The following SPMIP7 variants were observed in gnomAD, a reference collection of about 807,000 sequenced individuals.
SPMIP7 encodes the protein protein SPMIP7.
chr7:50,151,488 T>C, the SPMIP7 span: 1 of 1,551,704 alleles, frequency 6.4e-7, no homozygotes, highest in Non-Finnish European at 8.7e-7. Flanking sequence ...AAGGTTCATT[T>C]CACAGCCACC....
At chr7:50,144,176 A>C in the SPMIP7 span, among the ~76,000 whole-genome samples, 1 of 152,240 alleles carries the variant, frequency 6.6e-6, no homozygotes, top group Non-Finnish European at 1.5e-5. Context: ...ATTTATGCTC[A>C]CCTTTAATAG....
chr7:50,157,313 G>A, the SPMIP7 span, among the ~76,000 whole-genome samples: 1 of 152,186 alleles, frequency 6.6e-6, no homozygotes, highest in African/African-American at 2.4e-5. Context: ...GATTTGAAGT[G>A]AGTAGATGGG....
At chr7:50,141,491 A>G in the SPMIP7 span, 1 of 742,824 alleles carries the variant, frequency 1.3e-6, no homozygotes. Context: ...CTTTTATTGA[A>G]CATTGCTGAA....
At chr7:50,120,979 C>G in the SPMIP7 span, among the ~76,000 whole-genome samples, 1 of 152,146 alleles carries the variant, frequency 6.6e-6, no homozygotes, top group East Asian at 1.9e-4. Flanking sequence ...GTGTACTTCA[C>G]TTTCTTTATA....
chr7:50,132,451 T>G, the SPMIP7 span, among the ~76,000 whole-genome samples: 3 of 152,202 alleles, frequency 2.0e-5, no homozygotes, highest in East Asian at 5.8e-4. Context: ...TGGAAAAGTT[T>G]TATTATATGA....
the SPMIP7 span, among the ~76,000 whole-genome samples, chr7:50,103,038 T>C: frequency 1.0e-5 from 1 of 100,492 alleles, no homozygotes; most frequent in East Asian, 3.0e-4. Flanking sequence ...TGTAAGTATA[T>C]AAGATCATAT....
At chr7:50,156,707 T>C in the SPMIP7 span, among the ~76,000 whole-genome samples, 1 of 151,938 alleles carries the variant, frequency 6.6e-6, no homozygotes, top group Non-Finnish European at 1.5e-5. Context: ...CTTACTTTTC[T>C]AAAATATTGA....
At chr7:50,140,662 A>T in the SPMIP7 span, among the ~76,000 whole-genome samples, 14 of 152,218 alleles carry the variant, frequency 9.2e-5, no homozygotes, top group Admixed American at 9.2e-4. Flanking sequence ...TTTAGATGGA[A>T]GAAGAACCTT....
chr7:50,112,348 C>A, the SPMIP7 span, among the ~76,000 whole-genome samples: 3 of 152,006 alleles, frequency 2.0e-5, no homozygotes, highest in Non-Finnish European at 4.4e-5. Context: ...TGGACCTTGG[C>A]ATGGTCAGAA....
the SPMIP7 span, among the ~76,000 whole-genome samples, chr7:50,115,556 A>G: frequency 1.3e-5 from 2 of 152,232 alleles, no homozygotes; most frequent in Non-Finnish European, 2.9e-5. Context: ...GAAATTATAG[A>G]AAGATGTTCT....
At chr7:50,111,301 C>T in the SPMIP7 span, among the ~76,000 whole-genome samples, 2 of 151,932 alleles carry the variant, frequency 1.3e-5, no homozygotes, top group South Asian at 4.2e-4. Flanking sequence ...TGGGTTCCTG[C>T]TTCTGCAGTG....
chr7:50,157,938 G>A, the SPMIP7 span, among the ~76,000 whole-genome samples: 2 of 152,158 alleles, frequency 1.3e-5, no homozygotes, highest in Non-Finnish European at 2.9e-5. Flanking sequence ...AAACTTGATA[G>A]GGCAAATTTA....
the SPMIP7 span, among the ~76,000 whole-genome samples, chr7:50,152,631 C>A: frequency 1.3e-5 from 2 of 151,966 alleles, no homozygotes; most frequent in South Asian, 2.1e-4. Context: ...AGATCACATT[C>A]TTTTGGTAGA....
chr7:50,130,459 C>T, the SPMIP7 span, among the ~76,000 whole-genome samples: 1 of 151,954 alleles, frequency 6.6e-6, no homozygotes, highest in Non-Finnish European at 1.5e-5. Flanking sequence ...GAAACTGCCC[C>T]CATGATTCAA....
At chr7:50,104,289 C>G in the SPMIP7 span, 3 of 1,296,204 alleles carry the variant, frequency 2.3e-6, no homozygotes, top group Non-Finnish European at 3.2e-6. Context: ...AACCAAAATC[C>G]CATTCGCTTT....
At chr7:50,156,303 G>C in the SPMIP7 span, among the ~76,000 whole-genome samples, 1 of 151,990 alleles carries the variant, frequency 6.6e-6, no homozygotes, top group African/African-American at 2.4e-5. Context: ...TCTCTGATGA[G>C]TGTCATGAGA....
chr7:50,125,094 G>GTGTATATATATATATATATATATA, the SPMIP7 span, among the ~76,000 whole-genome samples: 1 of 73,812 alleles, frequency 1.4e-5, no homozygotes, highest in African/African-American at 4.6e-5. Flanking sequence ...GTGAGATTAA[G>GTGTATATATATATATATATATATA]TATATATATA....
the SPMIP7 span, among the ~76,000 whole-genome samples, chr7:50,097,727 A>G: frequency 1.3e-5 from 2 of 152,078 alleles, no homozygotes; most frequent in East Asian, 3.9e-4. Flanking sequence ...TTCGTAAGAT[A>G]ATAAGTAAGG....
chr7:50,144,448 A>G, the SPMIP7 span, among the ~76,000 whole-genome samples: 2,306 of 152,282 alleles, frequency 0.015, 66 homozygotes, highest in African/African-American at 0.052. Flanking sequence ...TTTGCATATT[A>G]AAATCTTTTT....
Sources: allele counts gnomAD v4.1 joint callset (sites outside exome capture counted in the v4.1 genomes callset), GRCh38; gene constraint gnomAD v4.1.1; transcripts MANE v1.5; gene names NCBI Gene and HGNC (gene_info 2026-07-23, HGNC 2026-07-21).